Variants in LRP12 observed in about 807,000 individuals in gnomAD.
The protein encoded by LRP12 is low-density lipoprotein receptor-related protein 12.
LRP12 carries 14 observed loss-of-function variants against 66.0 expected under a neutral mutation model. The observed-to-expected ratio is 0.21, with a 90% CI of 0.14 to 0.33. The LOEUF is 0.33. Among genes scored for constraint, LRP12 ranks in the 10% least tolerant of loss-of-function variants. The pLI, the probability that LRP12 is intolerant of heterozygous loss-of-function variation, is 1.00. For synonymous variants in LRP12, 357 were observed against 359.1 expected, an observed-to-expected ratio of 0.99 and a Z score of 0.07; for missense variants, 889 against 1,053.4, an observed-to-expected ratio of 0.84 and a Z score of 2.16.
intron 2 of LRP12, among the ~76,000 whole-genome samples, chr8:104,522,530 A>G (rs1412161998): frequency 1.3e-5 from 2 of 152,178 alleles, no homozygotes; most frequent in Non-Finnish European, 2.9e-5. Flanking sequence ...TTTGCCTGAC[A>G]GAAGATTCTA....
intron 1 of LRP12, among the ~76,000 whole-genome samples, chr8:104,548,318 T>C (rs1588501154): frequency 5.2e-5 from 1 of 19,204 alleles, no homozygotes; most frequent in East Asian, 1.1e-3. Flanking sequence ...ATTATATAAA[T>C]ATATAATATA....
intron 1 of LRP12, among the ~76,000 whole-genome samples, chr8:104,547,166 T>C: frequency 7.0e-6 from 1 of 142,760 alleles, no homozygotes; most frequent in African/African-American, 2.6e-5. Flanking sequence ...TATCATACTT[T>C]GTATATAATA....
chr8:104,496,583 T>C (rs1203943191), intron 5 of LRP12, among the ~76,000 whole-genome samples: 1 of 152,196 alleles, frequency 6.6e-6, no homozygotes, highest in East Asian at 1.9e-4. Context: ...GCTTGTGATA[T>C]TATGCCTTAT....
At chr8:104,581,742 A>AC (rs1228067228) in intron 1 of LRP12, among the ~76,000 whole-genome samples, 1 of 152,058 alleles carries the variant, frequency 6.6e-6, no homozygotes, top group Non-Finnish European at 1.5e-5. Context: ...AATAATGTAG[A>AC]CAAAAAAAAA....
At chr8:104,588,713 AG>A in intron 1 of LRP12, 105 bp downstream of exon 1, 1 of 871,766 alleles carries the variant, frequency 1.1e-6, no homozygotes, top group Non-Finnish European at 1.8e-6. Flanking sequence ...GCCGGTAGCC[AG>A]GGTCTCCGCG....
chr8:104,529,834 G>T (rs1811299718), intron 2 of LRP12, among the ~76,000 whole-genome samples: 1 of 152,208 alleles, frequency 6.6e-6, no homozygotes, highest in Non-Finnish European at 1.5e-5. Flanking sequence ...ACTACCTCGT[G>T]TTGAGTTTTG....
chr8:104,528,933 G>A (rs2140860506), intron 2 of LRP12, among the ~76,000 whole-genome samples: 1 of 152,152 alleles, frequency 6.6e-6, no homozygotes, highest in Middle Eastern at 3.4e-3. Flanking sequence ...TGAGACTTTA[G>A]AAAAAATAAG....
chr8:104,546,667 C>A (rs1811562919), intron 1 of LRP12, among the ~76,000 whole-genome samples: 1 of 151,632 alleles, frequency 6.6e-6, no homozygotes, highest in African/African-American at 2.4e-5. Context: ...TGAGTTTTCA[C>A]CTAAAAATAC....
intron 1 of LRP12, among the ~76,000 whole-genome samples, chr8:104,536,155 CCTAA>C (rs1811390361): frequency 6.6e-6 from 1 of 152,078 alleles, no homozygotes; most frequent in African/African-American, 2.4e-5. Flanking sequence ...TCCGATTCTT[CCTAA>C]CTACTTCTAA....
At chr8:104,563,747 T>C (rs1253726717) in intron 1 of LRP12, among the ~76,000 whole-genome samples, 1 of 152,126 alleles carries the variant, frequency 6.6e-6, no homozygotes, top group Middle Eastern at 3.4e-3. Flanking sequence ...CAAAAAGACA[T>C]TGTCTATGAA....
Position 104,495,354 on chromosome 8 carries a change from A to G in LRP12, c.1581-145T>C, listed in dbSNP as rs1275098057. The G allele has an allele frequency of 5.3e-6, 4 of 760,562 alleles. No individual in the cohort carries two copies. The East Asian group carries it at 1.0e-4, about 20-fold the overall frequency. 47.1% of individuals were successfully genotyped at this position (760,562 alleles called of 1,614,324 possible). Reference sequence around the variant, plus strand: ...GTCATTTGACAAACATTTACTGAATATATGTATTATCCCTACAGTGGGAAT... The same window carrying G: ...GTCATTTGACAAACATTTACTGAATGTATGTATTATCCCTACAGTGGGAAT... On this transcript the variant is annotated intron_variant, in intron 5 of 6. Transcript: ENST00000276654.
intron 1 of LRP12, among the ~76,000 whole-genome samples, chr8:104,577,405 A>C (rs1276195940): frequency 6.6e-6 from 1 of 152,272 alleles, no homozygotes; most frequent in Non-Finnish European, 1.5e-5. Flanking sequence ...CAATCAAATT[A>C]GGAATCAAGA....
chr8:104,564,959 G>A (rs1164058513), intron 1 of LRP12, among the ~76,000 whole-genome samples: 2 of 151,118 alleles, frequency 1.3e-5, no homozygotes, highest in African/African-American at 2.4e-5. Flanking sequence ...ATAAATAGAC[G>A]TATTACAGAC....
chr8:104,522,242 T>C (rs913530712), intron 2 of LRP12, among the ~76,000 whole-genome samples: 1 of 152,086 alleles, frequency 6.6e-6, no homozygotes, highest in African/African-American at 2.4e-5. Context: ...AATATGTCCC[T>C]ATTTTAAAGG....
At chr8:104,513,813 A>G (rs1208599087) in intron 2 of LRP12, among the ~76,000 whole-genome samples, 2 of 152,112 alleles carry the variant, frequency 1.3e-5, no homozygotes, top group Non-Finnish European at 2.9e-5. Flanking sequence ...CTCACTCTCA[A>G]TGGAAGATTT....
At chr8:104,555,344 C>A (rs1211739202) in intron 1 of LRP12, among the ~76,000 whole-genome samples, 1 of 152,038 alleles carries the variant, frequency 6.6e-6, no homozygotes, top group East Asian at 1.9e-4. Context: ...AGGTAAATGG[C>A]CTAAATCCTC....
At chr8:104,526,368 C>T (rs1336248876) in intron 2 of LRP12, among the ~76,000 whole-genome samples, 13 of 151,628 alleles carry the variant, frequency 8.6e-5, no homozygotes, top group African/African-American at 2.7e-4. Flanking sequence ...GAGCCCGCAT[C>T]GCCAAGTCAA....
At chr8:104,566,214 T>A in intron 1 of LRP12, 1 of 675,176 alleles carries the variant, frequency 1.5e-6, no homozygotes, top group Non-Finnish European at 2.3e-6. Flanking sequence ...ATGCAGCACA[T>A]AGAAAGTATA....
At chr8:104,527,843 G>GA (rs927018250) in intron 2 of LRP12, among the ~76,000 whole-genome samples, 11 of 150,096 alleles carry the variant, frequency 7.3e-5, no homozygotes, top group Non-Finnish European at 3.0e-5. Context: ...TAAAAACAAA[G>GA]AAAAAAAAAG....
Sources: allele counts gnomAD v4.1 joint callset (sites outside exome capture counted in the v4.1 genomes callset), GRCh38; gene constraint gnomAD v4.1.1; transcripts MANE v1.5; gene names NCBI Gene and HGNC (gene_info 2026-07-23, HGNC 2026-07-21).